The following NBL1 variants were observed in gnomAD, a reference collection of about 807,000 sequenced individuals.
NBL1 encodes neuroblastoma suppressor of tumorigenicity 1.
Under a neutral mutation model 16.0 loss-of-function variants are expected in NBL1, and 9 were observed. The observed-to-expected ratio is 0.56, with a 90% CI of 0.34 to 0.98. NBL1 has a LOEUF of 0.98. NBL1 is among the 50% of genes least tolerant of loss of function. NBL1 has a pLI of 0.02. For synonymous variants in NBL1, 86 were observed against 100.7 expected, an observed-to-expected ratio of 0.85 and a Z score of 0.87; for missense variants, 196 against 243.1, an observed-to-expected ratio of 0.81 and a Z score of 1.29.
intron 1 of NBL1, among the ~76,000 whole-genome samples, chr1:19,652,092 T>C (rs1050110283): frequency 6.6e-6 from 1 of 152,056 alleles, no homozygotes; most frequent in African/African-American, 2.4e-5. Flanking sequence ...CCACATCACT[T>C]TCTGCCCCAG....
Position 19,655,459 on chromosome 1 carries a change from C to T in NBL1, c.282+24C>T, listed in dbSNP as rs757823454. On this transcript the variant is annotated intron_variant, in intron 3 of 3. Transcript: ENST00000375136. ...TTGTGAGTACTGCCTGCCTGCCCCA[C>T]CCAGTCTCGGCCCGGAGCCTGCCCC... The T allele has an allele frequency of 8.1e-6, 13 of 1,612,274 alleles. No individual in the cohort carries two copies. The African/African-American group carries it at 1.7e-4, about 22-fold the overall frequency.
At chr1:19,643,363 T>G (rs1174096843), upstream of NBL1, 1 of 1,613,810 alleles carries the variant, frequency 6.2e-7, no homozygotes, top group Non-Finnish European at 8.5e-7. This position sits in a 1 kb window ranked among gnomAD's most constrained non-coding sequence, Gnocchi z 4.7. Context: ...TATCTGGAAG[T>G]TTCCAGCCAA....
At chr1:19,646,011 G>T in intron 1 of NBL1, 1 of 1,550,466 alleles carries the variant, frequency 6.4e-7, no homozygotes, top group Non-Finnish European at 8.7e-7. Context: ...ACTGTTTTTC[G>T]TTTGCGGGCA....
intron 3 of NBL1, 45 bp from the exon 4 acceptor site, chr1:19,656,821 C>T: frequency 1.3e-6 from 2 of 1,568,896 alleles, no homozygotes; most frequent in Non-Finnish European, 1.7e-6. Context: ...TTGCCTGCCC[C>T]AGACCTTTGG....
At chr1:19,653,164 G>A (rs1339664009) in intron 1 of NBL1, among the ~76,000 whole-genome samples, 6 of 150,294 alleles carry the variant, frequency 4.0e-5, no homozygotes, top group Middle Eastern at 3.2e-3. Flanking sequence ...GTGGGCGCCT[G>A]CAGTCCCAGC....
Position 19,656,894 on chromosome 1 carries a change from A to T in NBL1, c.311A>T (p.Glu104Val). The T allele has an allele frequency of 6.2e-7, 1 of 1,612,560 alleles. No individual in the cohort carries two copies. The highest frequency in any genetic ancestry group is 8.5e-7 in the Non-Finnish European group (1 of 1,179,016). Residue 104 changes from glutamate to valine, a missense_variant, in exon 4 of 4, where the codon GAG becomes GTG. Transcript: ENST00000375136. Reference sequence around the variant, plus strand: ...ACGCTGGAGTGCCCGGGCCACGAGGAGGTGCCCAGGGTGGACAAGCTGGTG... The same window carrying T: ...ACGCTGGAGTGCCCGGGCCACGAGGTGGTGCCCAGGGTGGACAAGCTGGTG... ...IVTLECPGHE[E>V]VPRVDKLVEK...
intron 3 of NBL1, among the ~76,000 whole-genome samples, 197 bp from the exon 4 acceptor site, chr1:19,656,669 G>T: frequency 6.6e-6 from 1 of 152,016 alleles, no homozygotes; most frequent in East Asian, 1.9e-4. Context: ...AAGGTGGCAG[G>T]ACTGGATGTG....
intron 1 of NBL1, among the ~76,000 whole-genome samples, chr1:19,653,810 T>C (rs143460920): frequency 6.6e-6 from 1 of 152,356 alleles, no homozygotes; most frequent in Non-Finnish European, 1.5e-5. Context: ...TGGGTGAAAC[T>C]TACCTGGGGC....
chr1:19,646,070 CAG>C, intron 1 of NBL1: 1 of 1,548,758 alleles, frequency 6.5e-7, no homozygotes, highest in Non-Finnish European at 8.7e-7. Context: ...GGGGCTGGCA[CAG>C]AGGTGGTCAG....
Position 19,645,164 on chromosome 1 carries a change from C to T in NBL1, c.-20+718C>T, listed in dbSNP as rs527467787. On this transcript the variant is annotated intron_variant, in intron 1 of 3. Transcript: ENST00000375136. Reference sequence around the variant, plus strand: ...CGGGGTTCACGAATAGTTTCCTAGACCGGGTGCGGCAAACCCTCCCCCTGC... The same window carrying T: ...CGGGGTTCACGAATAGTTTCCTAGATCGGGTGCGGCAAACCCTCCCCCTGC... Among the ~76,000 whole-genome samples the T allele has an allele frequency of 1.4e-4, 21 of 152,308 alleles. No homozygotes were observed. In the South Asian group the frequency reaches 3.9e-3, roughly 29 times the overall value.
rs35989027 is a variant in NBL1, at chr1:19,657,370, T to TCG, written c.*241_*242insCG. ...GCAGAGGTCTTCAGGGCTCTTTTTTTGGGGGGGGTGGTCTCTTCCTGTCTG... is the reference window on the plus strand; with the variant it reads ...GCAGAGGTCTTCAGGGCTCTTTTTTTCGGGGGGGGGTGGTCTCTTCCTGTCTG... On this transcript the variant is annotated 3_prime_UTR_variant, in exon 4 of 4. Transcript: ENST00000375136. 1 of 143,678 alleles carries TCG rather than the reference T, an allele frequency of 7.0e-6. No individual in the cohort carries two copies. Among genetic ancestry groups the TCG allele is most frequent in the Admixed American group, 7.2e-5 (1 of 13,800 alleles). The allele number at this position is 143,678 out of a possible 1,614,324, so 8.9% of individuals were successfully genotyped here.
Position 19,655,024 on chromosome 1 carries a change from C to A in NBL1, c.-7C>A. The A allele has an allele frequency of 6.2e-7, 1 of 1,602,660 alleles. No individual in the cohort carries two copies. Among genetic ancestry groups the A allele is most frequent in the Non-Finnish European group, 8.5e-7 (1 of 1,175,686 alleles). ...TGCTCCGTTCTAGGGCTCTGGAGGC[C>A]ACGGGCATGATGCTTCGGGTCCTGG... On this transcript the variant is annotated 5_prime_UTR_variant, in exon 2 of 4. Coordinates refer to ENST00000375136, the MANE Select transcript of NBL1 (RefSeq NM_005380.8).
intron 1 of NBL1, among the ~76,000 whole-genome samples, chr1:19,654,643 C>T (rs2095045894): frequency 6.6e-6 from 1 of 152,100 alleles, no homozygotes; most frequent in African/African-American, 2.4e-5. Flanking sequence ...AATCGCAATC[C>T]TGTGCCAGGC....
At chr1:19,643,314 G>A, upstream of NBL1, 1 of 1,613,874 alleles carries the variant, frequency 6.2e-7, no homozygotes. The surrounding 1 kb of genome is among the most constrained non-coding windows in gnomAD (Gnocchi z 4.7). Context: ...CACCCAGGAT[G>A]CCCGGCAACC....
rs374084909 is a variant in NBL1, at chr1:19,655,327, G to A, written c.174G>A (p.Ala58=). The stretch of plus-strand genomic sequence containing the variant: ...ATGGTGACCTCTCCTCCCACAGGGC[G>A]TGCCTAGGACAGTGCTTCAGCTACA... The part of the protein sequence containing the change: ...GCEAKSIQNR[A]CLGQCFSYSV... Residue 58 remains alanine (A), a synonymous_variant, in exon 3 of 4, where the codon GCG becomes GCA. Transcript: ENST00000375136. The A allele has an allele frequency of 6.2e-6, 10 of 1,613,918 alleles. No individual in the cohort carries two copies. The highest frequency in any genetic ancestry group is 1.6e-4 in the Middle Eastern group (1 of 6,062).
At chr1:19,644,096 G>A (rs1457583824), upstream of NBL1, 2 of 972,996 alleles carry the variant, frequency 2.1e-6, no homozygotes, top group Non-Finnish European at 1.2e-6. This position sits in a 1 kb window ranked among gnomAD's most constrained non-coding sequence, Gnocchi z 4.6. Context: ...GTCGGAGCGC[G>A]CCGAAGCTCA....
chr1:19,653,394 G>A (rs1378796817), intron 1 of NBL1, among the ~76,000 whole-genome samples: 1 of 152,292 alleles, frequency 6.6e-6, no homozygotes, highest in South Asian at 2.1e-4. Context: ...CTGGTGCTGG[G>A]CTTCTGTGGG....
At chr1:19,644,283 C>A, upstream of NBL1, 1 of 979,510 alleles carries the variant, frequency 1.0e-6, no homozygotes, top group Non-Finnish European at 1.2e-6. The surrounding 1 kb of genome is among the most constrained non-coding windows in gnomAD (Gnocchi z 4.6). Context: ...CGGAGCCGCT[C>A]CCCCGCGCCG....
intron 1 of NBL1, among the ~76,000 whole-genome samples, chr1:19,647,873 G>T (rs535128036): frequency 6.8e-6 from 1 of 147,286 alleles, no homozygotes; most frequent in African/African-American, 2.6e-5. Flanking sequence ...GTGCGTGTGT[G>T]TGTGTGTGTG....
Sources: gnomAD v4.1 joint callset for allele counts (sites outside exome capture counted in the v4.1 genomes callset) on GRCh38, gnomAD v4.1.1 for gene constraint, Gnocchi (gnomAD v3.1) non-coding constraint, MANE v1.5 for transcripts, NCBI Gene and HGNC (gene_info 2026-07-23, HGNC 2026-07-21) for gene names.